Variants in ZNF721 observed in about 807,000 individuals in gnomAD.
ZNF721 encodes zinc finger protein 721.
Under a neutral mutation model 2.4 loss-of-function variants are expected in ZNF721, and 2 were observed. That is an observed-to-expected ratio of 0.82 (90% CI 0.34 to 2.58). The LOEUF (loss-of-function observed/expected upper bound fraction) is 2.58, where lower values mean the gene tolerates loss of function less well. Among genes scored for constraint, ZNF721 ranks in the 30% most tolerant of loss-of-function variants. The pLI is 0.11. For missense variants in ZNF721, 1,187 were observed against 1,085.5 expected, an observed-to-expected ratio of 1.09 and a Z score of -1.31; for synonymous variants, 398 against 381.8, an observed-to-expected ratio of 1.04 and a Z score of -0.50.
At position 463,078 on chromosome 4, in the gene ZNF721, A is replaced by G. The variant is rs1715119549; in HGVS notation, c.34+9497T>C. On this transcript the variant is annotated intron_variant, in intron 2 of 2. Transcript: ENST00000511833. ...TTACAAGAGAAAACCAAACCACCCC[A>G]TCAAAAAGTGGGCAAAGGATATGAA... is the stretch of plus-strand genomic sequence containing the variant. Among the ~76,000 whole-genome samples the G allele has an allele frequency of 2.6e-5, 4 of 152,224 alleles. No individual in the cohort carries two copies. In the South Asian group the frequency reaches 8.3e-4, roughly 32 times the overall value.
intron 2 of ZNF721, among the ~76,000 whole-genome samples, chr4:445,764 T>C (rs1714454163): frequency 6.6e-6 from 1 of 152,014 alleles, no homozygotes; most frequent in Admixed American, 6.6e-5. Context: ...CTCAACAAAC[T>C]TCAACTAGGA....
chr4:449,466 G>T (rs1324886446), intron 2 of ZNF721, among the ~76,000 whole-genome samples: 2 of 151,944 alleles, frequency 1.3e-5, no homozygotes, highest in African/African-American at 4.8e-5. Context: ...ATTTAAATGG[G>T]AAACCCAAAT....
intron 1 of ZNF721, chr4:473,944 C>G (rs782706079): frequency 6.6e-7 from 1 of 1,503,928 alleles, no homozygotes; most frequent in East Asian, 2.9e-5. Context: ...CTGATGAGGC[C>G]TCCCCAGCCT....
At chr4:495,696 G>C (rs1716134759) in intron 1 of ZNF721, among the ~76,000 whole-genome samples, 1 of 150,988 alleles carries the variant, frequency 6.6e-6, no homozygotes, top group South Asian at 2.1e-4. Context: ...TCCACCTCCC[G>C]GGTTCATACC....
rs781978166 is a variant in ZNF721, at chr4:442,282, C to A, written c.2185G>T (p.Asp729Tyr). 1.3e-5 allele frequency: 21 copies of A among 1,613,306 alleles called. 1 individual carries two copies. In the South Asian group the frequency reaches 2.0e-4, roughly 15 times the overall value. Residue 729 changes from aspartate (D) to tyrosine (Y), a missense_variant, in exon 3 of 3, where the codon GAT becomes TAT. By Grantham distance (160) the Asp-to-Tyr change is radical. Coordinates refer to ENST00000511833, the MANE Select transcript of ZNF721 (RefSeq NM_133474.4). ...HTREKPYKCE[D>Y]RGRSFGWSTN... ...GACCATCCAAAGGATCTGCCACGAT[C>A]TTCACATTTGTAGGGTTTCTCCCTA... is the stretch of plus-strand genomic sequence containing the variant.
At chr4:475,368 CA>C (rs1481600328) in intron 1 of ZNF721, among the ~76,000 whole-genome samples, 1 of 152,084 alleles carries the variant, frequency 6.6e-6, no homozygotes, top group Admixed American at 6.5e-5. Context: ...TCACCCTCTA[CA>C]GGGAAGTGTT....
intron 1 of ZNF721, among the ~76,000 whole-genome samples, chr4:492,600 T>C (rs1716050577): frequency 1.3e-5 from 2 of 150,750 alleles, no homozygotes; most frequent in South Asian, 4.1e-4. Context: ...CTTGATCATA[T>C]AAAAGTTTTG....
chr4:462,744 C>T (rs989912845), intron 2 of ZNF721, among the ~76,000 whole-genome samples: 1 of 152,074 alleles, frequency 6.6e-6, no homozygotes, highest in South Asian at 2.1e-4. Flanking sequence ...CCTTATACAA[C>T]AATTAACTCA....
rs199512799 is a variant in ZNF721, at chr4:443,632, A to G, written c.835T>C (p.Cys279Arg). Residue 279 changes from cysteine (C) to arginine (R), a missense_variant, in exon 3 of 3, where the codon TGT (cysteine) becomes CGT (arginine). Physicochemically the swap from Cys to Arg is radical, Grantham distance 180. Transcript: ENST00000511833. ...RIHTGEKPFK[C>R]LECGKAFNIS... ...TTAAAGGCTTTACCACATTCTAAAC[A>G]TTTAAAGGGTTTCTCGCCAGTATGA... 3.1e-5 allele frequency: 50 copies of G among 1,614,008 alleles called. No individual in the cohort carries two copies. The African/African-American group carries it at 6.0e-4, about 19-fold the overall frequency.
chr4:446,085 G>T (rs571236066), intron 2 of ZNF721, among the ~76,000 whole-genome samples: 3 of 151,722 alleles, frequency 2.0e-5, no homozygotes, highest in Non-Finnish European at 4.4e-5. Flanking sequence ...CACAACACCT[G>T]TCTTACCAAA....
intron 2 of ZNF721, among the ~76,000 whole-genome samples, chr4:462,417 T>C (rs1715098193): frequency 6.6e-6 from 1 of 152,198 alleles, no homozygotes; most frequent in African/African-American, 2.4e-5. Flanking sequence ...AAATTTCATA[T>C]GGAACCAAAA....
intron 2 of ZNF721, among the ~76,000 whole-genome samples, chr4:468,338 G>A (rs1356886994): frequency 3.3e-5 from 5 of 151,848 alleles, no homozygotes; most frequent in African/African-American, 1.2e-4. Context: ...GCTGAGGCAG[G>A]AGAATCGCTT....
intron 2 of ZNF721, among the ~76,000 whole-genome samples, chr4:458,897 G>C (rs1174206295): frequency 2.0e-5 from 3 of 152,018 alleles, no homozygotes; most frequent in Admixed American, 6.6e-5. Flanking sequence ...GTTCAGGGCA[G>C]CCAGAGAGAA....
intron 2 of ZNF721, among the ~76,000 whole-genome samples, chr4:448,679 C>G (rs1285690832): frequency 1.3e-5 from 2 of 152,066 alleles, no homozygotes; most frequent in African/African-American, 4.8e-5. Flanking sequence ...CTTCACAGCT[C>G]CTGATTTCAA....
At chr4:473,961 G>A (rs782781824) in intron 1 of ZNF721, 3 of 1,505,516 alleles carry the variant, frequency 2.0e-6, no homozygotes, top group Non-Finnish European at 2.7e-6. Context: ...GCCTTGGGAC[G>A]CCCTGCCCCG....
intron 1 of ZNF721, among the ~76,000 whole-genome samples, chr4:476,730 A>C (rs1346127761): frequency 1.3e-5 from 2 of 152,168 alleles, no homozygotes; most frequent in Non-Finnish European, 2.9e-5. Flanking sequence ...AATAGAAACC[A>C]CTGCTCCAAC....
At chr4:463,682 CA>C (rs1394888713) in intron 2 of ZNF721, among the ~76,000 whole-genome samples, 12 of 152,148 alleles carry the variant, frequency 7.9e-5, no homozygotes, top group African/African-American at 2.9e-4. Flanking sequence ...CGCATGTTCT[CA>C]CTCCTAAGTG....
At chr4:489,972 G>A (rs1553871255) in intron 1 of ZNF721, among the ~76,000 whole-genome samples, 1 of 151,972 alleles carries the variant, frequency 6.6e-6, no homozygotes, top group Non-Finnish European at 1.5e-5. Flanking sequence ...CAATTCTCCT[G>A]CCTCAGCCTC....
At chr4:448,442 CAA>C (rs35367332) in intron 2 of ZNF721, among the ~76,000 whole-genome samples, 46 of 123,084 alleles carry the variant, frequency 3.7e-4, no homozygotes, top group Non-Finnish European at 4.9e-4. Context: ...TATCCCCCCC[CAA>C]AAAAAAAAAA....
Sources: allele counts gnomAD v4.1 joint callset (sites outside exome capture counted in the v4.1 genomes callset), GRCh38; gene constraint gnomAD v4.1.1; transcripts MANE v1.5; gene names NCBI Gene and HGNC (gene_info 2026-07-23, HGNC 2026-07-21).